VWA3B: variants seen among roughly 807,000 people sequenced by gnomAD.
The protein encoded by VWA3B is von Willebrand factor A domain containing 3B.
A neutral mutation model predicts 158.3 loss-of-function variants in VWA3B; 138 were observed. The ratio of observed to expected loss-of-function variants is 0.87; its 90% confidence interval spans 0.76 to 1.00. The LOEUF is 1.00. Among genes scored for constraint, VWA3B ranks in the 50% least tolerant of loss-of-function variants. The pLI is 0.00. For missense variants in VWA3B, 1,555 were observed against 1,565.1 expected (o/e 0.99, Z 0.11); for synonymous variants, 596 against 587.3 (o/e 1.01, Z -0.21).
chr2:98,245,200 A>C lies in VWA3B; in HGVS notation c.2674-5118A>C, dbSNP rs553160702. Reference sequence around the variant, plus strand: ...CTTGATTTGCATTATAACAGTAACAAGTAAATATTTCCCAAGGTGCCAAGA... The same window carrying C: ...CTTGATTTGCATTATAACAGTAACACGTAAATATTTCCCAAGGTGCCAAGA... On this transcript the variant is annotated intron_variant, in intron 19 of 27. Coordinates refer to ENST00000477737, the MANE Select transcript of VWA3B (RefSeq NM_144992.5). Among the ~76,000 whole-genome samples the C allele has an allele frequency of 9.2e-5, 14 of 152,164 alleles. 1 individual carries two copies. Among genetic ancestry groups the C allele is most frequent in the African/African-American group, 3.4e-4 (14 of 41,482 alleles).
At chr2:98,325,050 G>T in the VWA3B span, among the ~76,000 whole-genome samples, 1 of 152,270 alleles carries the variant, frequency 6.6e-6, no homozygotes, top group East Asian at 1.9e-4. Flanking sequence ...CAGAAACTGT[G>T]GGGAAATACA....
intron 22 of VWA3B, among the ~76,000 whole-genome samples, chr2:98,285,665 GA>G (rs779360483): frequency 0.045 from 6,054 of 135,054 alleles, 164 homozygotes; most frequent in Middle Eastern, 0.078. Context: ...AGTTTCAAAA[GA>G]AAAAAAAAAA....
intron 2 of VWA3B, among the ~76,000 whole-genome samples, chr2:98,115,140 G>C (rs1366221441): frequency 2.7e-5 from 4 of 148,248 alleles, no homozygotes; most frequent in Non-Finnish European, 3.0e-5. Flanking sequence ...TAATTACTCT[G>C]GACCAAAGTA....
chr2:98,179,203 C>T, intron 8 of VWA3B: 1 of 471,124 alleles, frequency 2.1e-6, no homozygotes, highest in Non-Finnish European at 4.4e-6. Flanking sequence ...GTTCCTCACC[C>T]CTCCTTTGTG....
intron 5 of VWA3B, among the ~76,000 whole-genome samples, chr2:98,121,735 C>T (rs926282852): frequency 5.3e-5 from 8 of 151,996 alleles, no homozygotes; most frequent in African/African-American, 1.4e-4. Flanking sequence ...GAGCCGAGTG[C>T]GACTCACACC....
intron 17 of VWA3B, among the ~76,000 whole-genome samples, chr2:98,235,712 A>T (rs6733107): frequency 6.6e-6 from 1 of 152,128 alleles, no homozygotes; most frequent in African/African-American, 2.4e-5. Flanking sequence ...GGCCGGGCAC[A>T]GTGGCTCCCT....
chr2:98,196,921 T>G (rs1280494085), intron 12 of VWA3B, among the ~76,000 whole-genome samples: 6 of 152,248 alleles, frequency 3.9e-5, no homozygotes, highest in Non-Finnish European at 8.8e-5. Flanking sequence ...CCTAGCTTTC[T>G]CCAATGTTCA....
chr2:98,187,237 C>T lies in VWA3B; in HGVS notation c.1312-738C>T, dbSNP rs376383527. On this transcript the variant is annotated intron_variant, in intron 9 of 27. Transcript: ENST00000477737. ...CTTCCTCCACGTGTCATCCTCTGAC[C>T]TGATGTGTCATGATTTGCTTATTAC... Among the ~76,000 whole-genome samples the T allele has an allele frequency of 3.5e-4, 53 of 152,248 alleles. No homozygotes were observed. The East Asian group carries it at 5.8e-3, about 17-fold the overall frequency.
intron 23 of VWA3B, chr2:98,291,129 G>A (rs372567910): frequency 1.5e-4 from 23 of 154,704 alleles, no homozygotes; most frequent in African/African-American, 4.8e-4. Context: ...CCTGGGGAAG[G>A]TGACATATGA....
At chr2:98,123,665 G>A (rs1012275811) in intron 5 of VWA3B, among the ~76,000 whole-genome samples, 10 of 152,202 alleles carry the variant, frequency 6.6e-5, no homozygotes, top group South Asian at 2.1e-4. Context: ...AGGGCAGCAC[G>A]TGGGGTCCTG....
intron 11 of VWA3B, 114 bp downstream of exon 11, chr2:98,193,150 G>T (rs116838135): frequency 1.5e-6 from 2 of 1,328,992 alleles, no homozygotes; most frequent in African/African-American, 1.5e-5. Flanking sequence ...ATTCAGAGAA[G>T]TACTCCCTTT....
intron 7 of VWA3B, among the ~76,000 whole-genome samples, chr2:98,153,264 A>T (rs957288998): frequency 5.9e-5 from 9 of 152,234 alleles, no homozygotes; most frequent in Admixed American, 2.6e-4. Flanking sequence ...AATATTAGGT[A>T]ATAGCAAAAG....
chr2:98,200,542 CAA>C (rs35030422), intron 12 of VWA3B, among the ~76,000 whole-genome samples: 31,582 of 93,008 alleles, frequency 0.34, 3,898 homozygotes, highest in South Asian at 0.53. Flanking sequence ...GACTCCATCT[CAA>C]AAAAAAAAAA....
intron 12 of VWA3B, chr2:98,206,754 G>A (rs546896469): frequency 7.6e-5 from 25 of 327,834 alleles, no homozygotes; most frequent in South Asian, 6.8e-4. Context: ...GCAAAATTGG[G>A]CTTTTTAGTG....
intron 8 of VWA3B, among the ~76,000 whole-genome samples, chr2:98,170,556 A>T (rs1408919041): frequency 6.6e-6 from 1 of 151,924 alleles, no homozygotes; most frequent in Non-Finnish European, 1.5e-5. Context: ...AATCAGCAAG[A>T]TGTCTTTATA....
Position 98,312,308 on chromosome 2 carries a change from C to T in VWA3B, c.3844C>T (p.His1282Tyr), listed in dbSNP as rs1202399005. ...CCTGCCCTGTACTCTCCAAGCCACCCACAGCAGCAAAGGGCTGAGGAGCGT... is the reference window on the plus strand; with the variant it reads ...CCTGCCCTGTACTCTCCAAGCCACCTACAGCAGCAAAGGGCTGAGGAGCGT... Reference protein sequence around the residue: ...AALPCTLQATHSSKGLRSVPE... With the variant: ...AALPCTLQATYSSKGLRSVPE... The change falls in exon 28 of 28, where the codon CAC becomes TAC. Residue 1282 changes from histidine (H) to tyrosine (Y), a missense_variant. Transcript: ENST00000477737. 2 of 1,614,062 alleles carry T rather than the reference C, an allele frequency of 1.2e-6. No homozygotes were observed. Among genetic ancestry groups the T allele is most frequent in the African/African-American group, 1.3e-5 (1 of 75,050 alleles).
chr2:98,226,251 C>T (rs1308807990), intron 14 of VWA3B, among the ~76,000 whole-genome samples: 1 of 152,178 alleles, frequency 6.6e-6, no homozygotes, highest in East Asian at 1.9e-4. Flanking sequence ...ACCAATGGAA[C>T]AGTTATAGAA....
chr2:98,264,779 T>A (rs549363525), intron 21 of VWA3B, among the ~76,000 whole-genome samples: 27 of 152,222 alleles, frequency 1.8e-4, no homozygotes, highest in African/African-American at 6.0e-4. Context: ...TCTGTGTAGT[T>A]GTTCTGTCCA....
intron 14 of VWA3B, among the ~76,000 whole-genome samples, chr2:98,227,419 C>T (rs532385640): frequency 1.3e-5 from 2 of 152,220 alleles, no homozygotes; most frequent in South Asian, 2.1e-4. Context: ...GAATGAAAGC[C>T]GACGTCCATG....
Sources: gnomAD v4.1 joint callset for allele counts (sites outside exome capture counted in the v4.1 genomes callset) on GRCh38, gnomAD v4.1.1 for gene constraint, MANE v1.5 for transcripts, NCBI Gene and HGNC (gene_info 2026-07-23, HGNC 2026-07-21) for gene names.